The following DNMBP variants were observed in gnomAD, a reference collection of about 807,000 sequenced individuals.
DNMBP encodes the protein dynamin binding protein, also known as dynamin-binding protein.
In DNMBP, 87 loss-of-function variants were observed where a neutral mutation model predicts 150.0. The observed-to-expected ratio is 0.58, with a 90% CI of 0.49 to 0.69. The LOEUF (loss-of-function observed/expected upper bound fraction) is 0.69, where lower values mean the gene tolerates loss of function less well. Ranked by LOEUF, DNMBP falls within the 30% of genes least tolerant of loss-of-function variation. The pLI, the probability that DNMBP is intolerant of heterozygous loss-of-function variation, is 0.00. For synonymous variants in DNMBP, 711 were observed against 750.4 expected (o/e 0.95, Z 0.86); for missense variants, 1,774 against 1,949.0 (o/e 0.91, Z 1.69).
intron 11 of DNMBP, among the ~76,000 whole-genome samples, chr10:99,894,001 GA>G (rs1156882083): frequency 1.3e-5 from 2 of 152,058 alleles, no homozygotes; most frequent in Non-Finnish European, 2.9e-5. Flanking sequence ...CCCTTTTAAG[GA>G]AATTCTTTTA....
intron 4 of DNMBP, among the ~76,000 whole-genome samples, chr10:99,951,308 G>A (rs1249681566): frequency 6.6e-6 from 1 of 152,200 alleles, no homozygotes; most frequent in Non-Finnish European, 1.5e-5. Flanking sequence ...ACCTCTGCTG[G>A]GGCAGTGCAG....
chr10:99,886,274 T>A (rs780495496), intron 13 of DNMBP, 26 bp downstream of exon 13: 1 of 1,576,566 alleles, frequency 6.3e-7, no homozygotes, highest in Non-Finnish European at 8.7e-7. Context: ...TAGATGACCA[T>A]CCCACTGAAC....
intron 4 of DNMBP, among the ~76,000 whole-genome samples, chr10:99,933,747 T>G (rs1056691859): frequency 3.3e-5 from 5 of 152,164 alleles, no homozygotes; most frequent in South Asian, 4.1e-4. Flanking sequence ...GTTTTTTTGT[T>G]TTTTTTTGAG....
rs71009790 is a variant in DNMBP, at chr10:99,935,087, C to CAAAAAAAAAAA, written c.2260+20116_2260+20126dup. Among the ~76,000 whole-genome samples, 58 of 48,508 alleles carry CAAAAAAAAAAA rather than the reference C, an allele frequency of 1.2e-3. 1 individual carries two copies. Among genetic ancestry groups the CAAAAAAAAAAA allele is most frequent in the Non-Finnish European group, 1.6e-3 (40 of 25,798 alleles). 31.8% of individuals were successfully genotyped at this position (48,508 alleles called of 152,430 possible). On this transcript the variant is annotated intron_variant, in intron 4 of 16. Transcript: ENST00000324109. ...GTGATAGGGTGAGACCCTGTCTCCA[C>CAAAAAAAAAAA]AAAAAAAAAAAAAAAAAAAAAAAAA...
intron 16 of DNMBP, among the ~76,000 whole-genome samples, chr10:99,879,469 A>T (rs2039329910): frequency 6.6e-6 from 1 of 152,222 alleles, no homozygotes; most frequent in Non-Finnish European, 1.5e-5. Context: ...AAAAAAAAAT[A>T]AAGTATGGTT....
At chr10:99,981,160 A>C (rs2040776931) in intron 1 of DNMBP, among the ~76,000 whole-genome samples, 1 of 152,160 alleles carries the variant, frequency 6.6e-6, no homozygotes. Flanking sequence ...TGAATGTGAA[A>C]GAAGGCCTGG....
chr10:99,975,273 T>G (rs924145342), intron 1 of DNMBP, among the ~76,000 whole-genome samples: 1 of 151,718 alleles, frequency 6.6e-6, no homozygotes, highest in African/African-American at 2.4e-5. Context: ...GGCAGGAGAA[T>G]CACTTCAACC....
At chr10:99,948,786 A>AAT (rs201767455) in intron 4 of DNMBP, among the ~76,000 whole-genome samples, 1 of 151,932 alleles carries the variant, frequency 6.6e-6, no homozygotes, top group East Asian at 1.9e-4. Flanking sequence ...AACATGGTGA[A>AAT]ACCCCATCTC....
At chr10:99,931,980 T>C (rs2040163644) in intron 4 of DNMBP, among the ~76,000 whole-genome samples, 2 of 152,204 alleles carry the variant, frequency 1.3e-5, no homozygotes, top group South Asian at 4.1e-4. Flanking sequence ...CTGAAGGATA[T>C]AATACGTGGA....
rs775893613 is a variant in DNMBP, at chr10:99,953,268, C to CT, written c.2260+1945dup. 5.7e-3 allele frequency among the ~76,000 whole-genome samples: 823 copies of CT among 145,640 alleles called. 1 individual carries two copies. Among genetic ancestry groups the CT allele is most frequent in the African/African-American group, 9.5e-3 (379 of 39,938 alleles). ...ATCTCTTTTCAAATTTAATTTAAAA[C>CT]TTTTTTTTTTTTTAAGAGACAGGTC... On this transcript the variant is annotated intron_variant, in intron 4 of 16. Coordinates refer to ENST00000324109, the MANE Select transcript of DNMBP (RefSeq NM_015221.4).
chr10:99,969,496 T>C (rs1461570137), intron 2 of DNMBP, among the ~76,000 whole-genome samples: 4 of 152,146 alleles, frequency 2.6e-5, no homozygotes, highest in Non-Finnish European at 4.4e-5. Flanking sequence ...GAGGAAAACA[T>C]AAGACAGTTT....
chr10:99,883,505 T>C (rs1358530936), intron 15 of DNMBP, among the ~76,000 whole-genome samples: 2 of 151,554 alleles, frequency 1.3e-5, no homozygotes, highest in African/African-American at 4.8e-5. Context: ...ATCTATAAAA[T>C]TATTAAAAAA....
At chr10:99,952,840 T>C (rs182489931) in intron 4 of DNMBP, among the ~76,000 whole-genome samples, 91 of 152,340 alleles carry the variant, frequency 6.0e-4, no homozygotes, top group Middle Eastern at 3.4e-3. Flanking sequence ...GGGAGGTAGC[T>C]ATATGTGCTC....
intron 1 of DNMBP, among the ~76,000 whole-genome samples, chr10:99,996,011 T>C (rs970677937): frequency 1.3e-5 from 2 of 152,260 alleles, no homozygotes; most frequent in Non-Finnish European, 2.9e-5. Flanking sequence ...TATTGCTACC[T>C]GTGAACAGTT....
At chr10:99,901,826 C>A (rs2039743463) in intron 6 of DNMBP, among the ~76,000 whole-genome samples, 1 of 152,186 alleles carries the variant, frequency 6.6e-6, no homozygotes, top group South Asian at 2.1e-4. Context: ...CCTCAGGGAG[C>A]CTATCGCTGC....
chr10:99,886,022 C>T (rs540023162), intron 13 of DNMBP, among the ~76,000 whole-genome samples, 156 bp from the exon 14 acceptor site: 15 of 152,268 alleles, frequency 9.9e-5, no homozygotes, highest in East Asian at 5.8e-4. Context: ...TCTGAGCTAC[C>T]GACACAGCAG....
intron 8 of DNMBP, 101 bp from the exon 9 acceptor site, chr10:99,898,386 A>G (rs746078118): frequency 4.5e-6 from 4 of 887,934 alleles, no homozygotes; most frequent in African/African-American, 1.7e-5. Flanking sequence ...TTTTTTTAAC[A>G]TAATAATAAT....
At chr10:100,000,885 AAAC>A in intron 1 of DNMBP, among the ~76,000 whole-genome samples, 1 of 147,598 alleles carries the variant, frequency 6.8e-6, no homozygotes, top group African/African-American at 2.5e-5. Flanking sequence ...AAAAAAAAAA[AAAC>A]CCAGCAGGGT....
rs2039279919 is a variant in DNMBP at position 99,876,717 on chromosome 10, T to A, written c.*434A>T. 1 of 154,048 alleles carries A rather than the reference T, an allele frequency of 6.5e-6. No individual in the cohort carries two copies. Among genetic ancestry groups the A allele is most frequent in the Non-Finnish European group, 1.4e-5 (1 of 69,408 alleles). The allele number at this position is 154,048 out of a possible 1,614,324, so 9.5% of individuals were successfully genotyped here. A position where few individuals can be genotyped will look rare whatever the true frequency, so the allele number is the denominator to read the frequency against. On this transcript the variant is annotated 3_prime_UTR_variant, in exon 17 of 17. Transcript: ENST00000324109. ...CTGCCTCACGGGGTGCCCAGAGCCATGAATTCTTTTCATCTGAGTTGGCAT... is the reference window on the plus strand; with the variant it reads ...CTGCCTCACGGGGTGCCCAGAGCCAAGAATTCTTTTCATCTGAGTTGGCAT...
Sources: allele counts gnomAD v4.1 joint callset (sites outside exome capture counted in the v4.1 genomes callset), GRCh38; gene constraint gnomAD v4.1.1; transcripts MANE v1.5; gene names NCBI Gene and HGNC (gene_info 2026-07-23, HGNC 2026-07-21).